The following ASNS variants were observed in gnomAD, a reference collection of about 807,000 sequenced individuals.
ASNS encodes the protein asparagine synthetase (glutamine-hydrolyzing).
ASNS carries 37 observed loss-of-function variants against 62.6 expected under a neutral mutation model. That is an observed-to-expected ratio of 0.59 (90% CI 0.45 to 0.78). ASNS has a LOEUF of 0.78. ASNS is among the 30% of genes least tolerant of loss of function. The pLI is 0.00. For missense variants in ASNS, 520 were observed against 682.4 expected, an observed-to-expected ratio of 0.76 and a Z score of 2.65; for synonymous variants, 207 against 237.9, an observed-to-expected ratio of 0.87 and a Z score of 1.19.
At chr7:97,869,344 A>C (rs1011075281) in intron 2 of ASNS, among the ~76,000 whole-genome samples, 165 bp from the exon 3 acceptor site, 54 of 152,236 alleles carry the variant, frequency 3.5e-4, no homozygotes, top group African/African-American at 1.2e-3. Flanking sequence ...GGAGTAGAGA[A>C]TGATTTAATT....
chr7:97,864,749 A>T (rs1791886311), intron 3 of ASNS, among the ~76,000 whole-genome samples: 1 of 152,198 alleles, frequency 6.6e-6, no homozygotes, highest in South Asian at 2.1e-4. Flanking sequence ...AATGTGCCAG[A>T]ACAGTAACCT....
At chr7:97,858,639 C>T (rs1350270945) in intron 6 of ASNS, among the ~76,000 whole-genome samples, 7 of 152,214 alleles carry the variant, frequency 4.6e-5, no homozygotes, top group African/African-American at 1.4e-4. Flanking sequence ...TTCACTGACT[C>T]ACTCTTAACA....
chr7:97,870,187 G>T, intron 1 of ASNS: 1 of 980,088 alleles, frequency 1.0e-6, no homozygotes, highest in South Asian at 3.3e-5. Context: ...TTTGGGCCCT[G>T]TTTGGCAGTG....
chr7:97,883,439 G>A, the ASNS span, among the ~76,000 whole-genome samples: 1 of 150,320 alleles, frequency 6.7e-6, no homozygotes, highest in East Asian at 2.0e-4. Context: ...CACATTCAGT[G>A]ACCAAGTCAC....
chr7:97,905,042 A>G, the ASNS span, among the ~76,000 whole-genome samples: 1 of 152,170 alleles, frequency 6.6e-6, no homozygotes, highest in Non-Finnish European at 1.5e-5. Flanking sequence ...ATCCACCTGC[A>G]GCATCCTCAC....
the ASNS span, among the ~76,000 whole-genome samples, chr7:97,907,869 G>A: frequency 6.6e-6 from 1 of 151,550 alleles, no homozygotes; most frequent in African/African-American, 2.4e-5. Context: ...CTAAATTATT[G>A]CCCAATTAAA....
chr7:97,868,766 A>G (rs569819822), intron 3 of ASNS, 142 bp downstream of exon 3: 2 of 1,228,320 alleles, frequency 1.6e-6, no homozygotes, highest in East Asian at 2.4e-5. Context: ...TCAGTTCCCT[A>G]TTTACATACT....
chr7:97,918,776 C>T, the ASNS span, among the ~76,000 whole-genome samples: 2 of 151,942 alleles, frequency 1.3e-5, no homozygotes, highest in Non-Finnish European at 2.9e-5. Context: ...CGGGTCCCGT[C>T]GGGGGTGGGG....
At chr7:97,876,361 AT>A (rs758748117), upstream of ASNS, among the ~76,000 whole-genome samples, 35 of 152,098 alleles carry the variant, frequency 2.3e-4, no homozygotes, top group African/African-American at 7.2e-5. Context: ...AATGGAAAAA[AT>A]AATCATAATC....
At chr7:97,884,941 C>G in the ASNS span, among the ~76,000 whole-genome samples, 5 of 152,192 alleles carry the variant, frequency 3.3e-5, no homozygotes, top group Non-Finnish European at 4.4e-5. Flanking sequence ...GTCTCTGTCA[C>G]AGGCTGGAGT....
the ASNS span, among the ~76,000 whole-genome samples, chr7:97,891,250 G>A: frequency 1.1e-3 from 162 of 152,312 alleles, 1 homozygote; most frequent in Non-Finnish European, 3.2e-4. Flanking sequence ...CTTGTGAGAC[G>A]TATTCACTAT....
At chr7:97,886,115 G>A in the ASNS span, 1 of 384,542 alleles carries the variant, frequency 2.6e-6, no homozygotes, top group African/African-American at 2.1e-5. Flanking sequence ...GTGTTGTTTT[G>A]TTGTTGTTAC....
the ASNS span, among the ~76,000 whole-genome samples, chr7:97,913,410 C>T: frequency 2.0e-5 from 3 of 152,322 alleles, no homozygotes; most frequent in Admixed American, 1.3e-4. Flanking sequence ...TCTGCCCTTC[C>T]CCTATTGCAG....
At chr7:97,884,802 C>T in the ASNS span, among the ~76,000 whole-genome samples, 1 of 152,188 alleles carries the variant, frequency 6.6e-6, no homozygotes, top group African/African-American at 2.4e-5. Context: ...TCACAGAGCT[C>T]GGCAACCACC....
At chr7:97,921,330 A>C in the ASNS span, among the ~76,000 whole-genome samples, 1 of 152,176 alleles carries the variant, frequency 6.6e-6, no homozygotes, top group Non-Finnish European at 1.5e-5. Flanking sequence ...GATGGTAAAT[A>C]GTTCAGCTTT....
At chr7:97,884,652 A>T in the ASNS span, among the ~76,000 whole-genome samples, 2 of 152,062 alleles carry the variant, frequency 1.3e-5, no homozygotes, top group East Asian at 3.9e-4. Flanking sequence ...CTACATAGTG[A>T]ACTCATCCCA....
Position 97,852,191 on chromosome 7 carries a change from C to T in ASNS, c.*68G>A, listed in dbSNP as rs561841113. ...AGCCTGAGTTGACTCTCATTGTTCC[C>T]CTATCTACCCACAGTCCCCATCCAA... On this transcript the variant is annotated 3_prime_UTR_variant, in exon 13 of 13. Coordinates refer to ENST00000394308, the MANE Select transcript of ASNS (RefSeq NM_001673.5). 8 of 1,544,548 alleles carry T rather than the reference C, an allele frequency of 5.2e-6. No individual in the cohort carries two copies. In the African/African-American group the frequency reaches 9.5e-5, roughly 18 times the overall value.
chr7:97,902,642 G>T, the ASNS span, among the ~76,000 whole-genome samples: 98 of 152,276 alleles, frequency 6.4e-4, no homozygotes, highest in Non-Finnish European at 1.1e-3. Context: ...GACTGCTGGA[G>T]CCCAGGAGGC....
intron 3 of ASNS, among the ~76,000 whole-genome samples, chr7:97,864,993 T>C (rs936971273): frequency 6.6e-6 from 1 of 152,204 alleles, no homozygotes; most frequent in African/African-American, 2.4e-5. Context: ...AAAGGTAATT[T>C]TATATAATAT....
Sources: gnomAD v4.1 joint callset for allele counts (sites outside exome capture counted in the v4.1 genomes callset) on GRCh38, gnomAD v4.1.1 for gene constraint, MANE v1.5 for transcripts, NCBI Gene and HGNC (gene_info 2026-07-23, HGNC 2026-07-21) for gene names.